The following UBE4A variants were observed in gnomAD, a reference collection of about 807,000 sequenced individuals.
UBE4A encodes ubiquitin conjugation factor E4 A.
UBE4A carries 48 observed loss-of-function variants against 117.9 expected under a neutral mutation model. That is an observed-to-expected ratio of 0.41 (90% CI 0.32 to 0.52). The LOEUF is 0.52. Among genes scored for constraint, UBE4A ranks in the 20% least tolerant of loss-of-function variants. The pLI is 0.33. For synonymous variants in UBE4A, 407 were observed against 450.0 expected (o/e 0.90, Z 1.21); for missense variants, 1,067 against 1,296.3 (o/e 0.82, Z 2.72).
Position 118,371,591 on chromosome 11 carries a change from C to T in UBE4A, c.486C>T (p.Leu162=). 6.2e-7 allele frequency: 1 copy of T among 1,614,050 alleles called. No homozygotes were observed. Among genetic ancestry groups the T allele is most frequent in the Non-Finnish European group, 8.5e-7 (1 of 1,180,008 alleles). Residue 162 remains leucine, a synonymous_variant, in exon 5 of 20, where the codon CTC becomes CTT. Coordinates refer to ENST00000252108, the MANE Select transcript of UBE4A (RefSeq NM_001204077.2). ...INMTSSTTLN[L]SADRDAGERH... ...TGACTTCTTCTACAACGCTAAATCT[C>T]TCTGCTGATCGAGATGCAGGAGAGA...
In UBE4A at chr11:118,371,774, T is replaced by C. The variant is rs1411225803; in HGVS notation, c.561+108T>C. ...ATTTCAATTTATATATGTCATAGTA[T>C]GTCTAGAAGTGAATATCAGGGACAC... On this transcript the variant is annotated intron_variant, in intron 5 of 19. Coordinates refer to ENST00000252108, the MANE Select transcript of UBE4A (RefSeq NM_001204077.2). The C allele has an allele frequency of 1.3e-5, 16 of 1,186,644 alleles. No individual in the cohort carries two copies. In the East Asian group the frequency reaches 3.9e-4, roughly 29 times the overall value. 73.5% of individuals were successfully genotyped at this position (1,186,644 alleles called of 1,614,324 possible). A position where few individuals can be genotyped will look rare whatever the true frequency, so the allele number is the denominator to read the frequency against.
In UBE4A at chr11:118,381,533, T is replaced by TA; in HGVS notation, c.2009+10_2009+11insA. The TA allele has an allele frequency of 1.2e-6, 2 of 1,613,460 alleles. No individual in the cohort carries two copies. The highest frequency in any genetic ancestry group is 1.7e-6 in the Non-Finnish European group (2 of 1,179,644). ...CTGGAAGCATAGAAAGGTGAAGTGC[T>TA]GAAAGCTTGGTTCTGTCACTGTTTA... is the stretch of plus-strand genomic sequence containing the variant. On this transcript the variant is annotated intron_variant, in intron 12 of 19. Coordinates refer to ENST00000252108, the MANE Select transcript of UBE4A (RefSeq NM_001204077.2).
Position 118,361,563 on chromosome 11 carries a change from G to C in UBE4A, c.-42+1889G>C, listed in dbSNP as rs1591291691. ...TTTAGCCCTTTTTTAATGAAAAAAA[G>C]TTTGTGCACAGATTTGACATACGTG... On this transcript the variant is annotated intron_variant, in intron 1 of 19. Coordinates refer to ENST00000252108, the MANE Select transcript of UBE4A (RefSeq NM_001204077.2). Among the ~76,000 whole-genome samples, 3 of 152,288 alleles carry C rather than the reference G, an allele frequency of 2.0e-5. No individual in the cohort carries two copies. In the South Asian group the frequency reaches 6.2e-4, roughly 32 times the overall value.
At chr11:118,381,659 A>ACCAT in intron 12 of UBE4A, 136 bp downstream of exon 12, 1 of 1,195,056 alleles carries the variant, frequency 8.4e-7, no homozygotes, top group Non-Finnish European at 1.2e-6. Context: ...GAATCACCTG[A>ACCAT]CCATCCATAT....
In UBE4A at chr11:118,375,002, A is replaced by C. The variant is rs782049962; in HGVS notation, c.1223A>C (p.His408Pro). 75 of 1,612,806 alleles carry C rather than the reference A, an allele frequency of 4.7e-5. No homozygotes were observed. The highest frequency in any genetic ancestry group is 5.4e-5 in the Non-Finnish European group (64 of 1,179,052). Residue 408 changes from histidine to proline, a missense_variant, in exon 9 of 20, where the codon CAT (histidine) becomes CCT (proline). Physicochemically the swap from His to Pro is moderately conservative, Grantham distance 77 (BLOSUM62 -2). Around this residue, in one of 3 missense-constraint regions of UBE4A, gnomAD observed 1,001 missense variants for 1,184.0 expected, o/e 0.85. Coordinates refer to ENST00000252108, the MANE Select transcript of UBE4A (RefSeq NM_001204077.2). ...TTGTCCTGGCTTGGAAACTGTTTGCATGCAAATGCAGGCCGCACCAAGATT... is the reference window on the plus strand; with the variant it reads ...TTGTCCTGGCTTGGAAACTGTTTGCCTGCAAATGCAGGCCGCACCAAGATT... Reference protein sequence around the residue: ...CILSWLGNCLHANAGRTKIWA... With the variant: ...CILSWLGNCLPANAGRTKIWA...
At chr11:118,376,113 A>G (rs1337337669) in intron 9 of UBE4A, among the ~76,000 whole-genome samples, 1 of 152,152 alleles carries the variant, frequency 6.6e-6, no homozygotes, top group Non-Finnish European at 1.5e-5. Context: ...TGGGGAGGAA[A>G]TGGATCAAGG....
chr11:118,376,693 A>C lies in UBE4A; in HGVS notation c.1570A>C (p.Arg524=). Residue 524 remains arginine (R), a splice_region_variant and synonymous_variant, in exon 10 of 20, where the codon AGG becomes CGG. Transcript: ENST00000252108. The part of the protein sequence containing the change: ...TEYTLYLGFH[R]LHDQMVKINQ... ...GTACACCTTGTACTTGGGATTTCAC[A>C]GGTAACTCCTCTGATGTCATTAGGA... is the stretch of plus-strand genomic sequence containing the variant. The C allele has an allele frequency of 6.2e-7, 1 of 1,613,358 alleles. No homozygotes were observed. Among genetic ancestry groups the C allele is most frequent in the African/African-American group, 1.3e-5 (1 of 74,972 alleles).
rs1450371064 is a variant in UBE4A at position 118,397,919 on chromosome 11, G to C, written c.*1479G>C. 1 of 152,158 alleles carries C rather than the reference G, an allele frequency of 6.6e-6. No homozygotes were observed. Among genetic ancestry groups the C allele is most frequent in the Non-Finnish European group, 1.5e-5 (1 of 68,034 alleles). 9.4% of individuals were successfully genotyped at this position (152,158 alleles called of 1,614,324 possible). On this transcript the variant is annotated 3_prime_UTR_variant, in exon 20 of 20. Transcript: ENST00000252108. Reference sequence around the variant, plus strand: ...AGATATAAAATAGGTGTTGCCTATTGCTGTGCTTATAAAATGAAAAAGGAA... The same window carrying C: ...AGATATAAAATAGGTGTTGCCTATTCCTGTGCTTATAAAATGAAAAAGGAA...
At chr11:118,396,255 G>C (rs544722209) in intron 19 of UBE4A, 59 bp from the exon 20 acceptor site, 17 of 1,560,418 alleles carry the variant, frequency 1.1e-5, no homozygotes, top group Admixed American at 8.3e-5. Context: ...TTCTGTTTTT[G>C]GCTTAGAATG....
chr11:118,388,667 C>T (rs1364123824), intron 16 of UBE4A, among the ~76,000 whole-genome samples: 1 of 149,130 alleles, frequency 6.7e-6, no homozygotes, highest in Non-Finnish European at 1.5e-5. Flanking sequence ...AAAAAAGAAG[C>T]GATGAGTCTA....
At chr11:118,389,969 A>G in intron 17 of UBE4A, 64 bp downstream of exon 17, 1 of 1,412,140 alleles carries the variant, frequency 7.1e-7, no homozygotes, top group Non-Finnish European at 9.5e-7. Context: ...TTTTGATAGT[A>G]GAATGACTGG....
chr11:118,393,621 A>C (rs1948840425), intron 19 of UBE4A, among the ~76,000 whole-genome samples: 3 of 151,522 alleles, frequency 2.0e-5, no homozygotes. Context: ...TTTGCGACAG[A>C]GTCTCGCTCT....
chr11:118,388,639 ACT>A (rs1221372102), intron 16 of UBE4A, among the ~76,000 whole-genome samples: 23 of 147,434 alleles, frequency 1.6e-4, no homozygotes, highest in Non-Finnish European at 2.4e-4. Flanking sequence ...ACAGAATGAG[ACT>A]CTATCTCAAA....
At chr11:118,367,014 G>T (rs1327468833) in intron 2 of UBE4A, among the ~76,000 whole-genome samples, 1 of 152,162 alleles carries the variant, frequency 6.6e-6, no homozygotes, top group Non-Finnish European at 1.5e-5. Context: ...GACCAGCCTG[G>T]CCAACATGGT....
chr11:118,368,817 CTT>C lies in UBE4A; in HGVS notation c.295+14_295+15del. 1.9e-6 allele frequency: 3 copies of C among 1,613,524 alleles called. No homozygotes were observed. Among genetic ancestry groups the C allele is most frequent in the Non-Finnish European group, 2.5e-6 (3 of 1,179,558 alleles). On this transcript the variant is annotated intron_variant, in intron 3 of 19. Transcript: ENST00000252108. ...ACTCTGGACAACAGTGAGTTACAAA[CTT>C]ATAGCATTATTCTACCCTTCCTATT...
At chr11:118,369,644 CTCT>C in intron 4 of UBE4A, 109 bp downstream of exon 4, 3 of 618,346 alleles carry the variant, frequency 4.9e-6, no homozygotes, top group Admixed American at 3.1e-5. Flanking sequence ...CCATCCCTCT[CTCT>C]TTTTTTTTTT....
intron 18 of UBE4A, 31 bp downstream of exon 18, chr11:118,390,835 T>G: frequency 2.5e-6 from 4 of 1,605,018 alleles, no homozygotes; most frequent in Non-Finnish European, 3.4e-6. Context: ...TTTGCTGATT[T>G]CATTAAGAAC....
chr11:118,382,528 A>G, intron 12 of UBE4A, 61 bp from the exon 13 acceptor site: 1 of 1,377,578 alleles, frequency 7.3e-7, no homozygotes, highest in Non-Finnish European at 9.6e-7. Context: ...TGTGGAGAGA[A>G]CAGAGTCATA....
chr11:118,383,010 ATTC>A (rs1472905615), intron 13 of UBE4A, among the ~76,000 whole-genome samples: 1 of 147,918 alleles, frequency 6.8e-6, no homozygotes, highest in Non-Finnish European at 1.5e-5. Context: ...TTTTTTAATT[ATTC>A]TTGTTTTACA....
Sources: gnomAD v4.1 joint callset for allele counts (sites outside exome capture counted in the v4.1 genomes callset) on GRCh38, gnomAD v4.1.1 for gene constraint, gnomAD v4.1.1 regional missense constraint, MANE v1.5 for transcripts, NCBI Gene and HGNC (gene_info 2026-07-23, HGNC 2026-07-21) for gene names.